Variants in MIDEAS observed in about 807,000 individuals in gnomAD.
MIDEAS encodes mitotic deacetylase-associated SANT domain protein.
In MIDEAS, 26 loss-of-function variants were observed where a neutral mutation model predicts 102.7. The ratio of observed to expected loss-of-function variants is 0.25; its 90% CI spans 0.19 to 0.35. MIDEAS has a LOEUF of 0.35. Ranked by LOEUF, MIDEAS falls within the 10% of genes least tolerant of loss-of-function variation. The pLI is 1.00. For missense variants in MIDEAS, 1,231 were observed against 1,435.6 expected (o/e 0.86, Z 2.30); for synonymous variants, 585 against 591.0 (o/e 0.99, Z 0.15).
At chr14:73,762,367 G>C (rs978339842), upstream of MIDEAS, among the ~76,000 whole-genome samples, 1 of 152,232 alleles carries the variant, frequency 6.6e-6, no homozygotes, top group Non-Finnish European at 1.5e-5. Context: ...CAGGTGGCAG[G>C]GGAAACAGAG....
intron 1 of MIDEAS, among the ~76,000 whole-genome samples, chr14:73,786,569 T>C (rs1660840967): frequency 6.6e-6 from 1 of 152,204 alleles, no homozygotes; most frequent in South Asian, 2.1e-4. Context: ...AATTCCGGTT[T>C]GGTTTTCTGA....
chr14:73,726,512 G>C, intron 7 of MIDEAS, 92 bp downstream of exon 7: 1 of 1,235,592 alleles, frequency 8.1e-7, no homozygotes, highest in Non-Finnish European at 1.2e-6. Context: ...CCTCAAATGT[G>C]CATGCCAGCA....
chr14:73,742,555 G>A lies in MIDEAS; in HGVS notation c.-247-2300C>T, dbSNP rs1340134860. On this transcript the variant is annotated intron_variant, in intron 1 of 12. Coordinates refer to ENST00000423556, the MANE Select transcript of MIDEAS (RefSeq NM_001367710.1). The surrounding 1 kb of genome is among the most constrained non-coding windows in gnomAD (Gnocchi z 4.4). Reference sequence around the variant, plus strand: ...CCCTGGAGGAGCTGAGCTCAGCTGGGAAGCCTCCCACTCCCACCCTGCACA... The same window carrying A: ...CCCTGGAGGAGCTGAGCTCAGCTGGAAAGCCTCCCACTCCCACCCTGCACA... Among the ~76,000 whole-genome samples the A allele has an allele frequency of 6.6e-6, 1 of 152,216 alleles. No homozygotes were observed. Among genetic ancestry groups the A allele is most frequent in the Admixed American group, 6.5e-5 (1 of 15,284 alleles).
intron 1 of MIDEAS, among the ~76,000 whole-genome samples, chr14:73,756,297 C>CGCGT (rs1875689395): frequency 3.7e-5 from 2 of 53,888 alleles, no homozygotes; most frequent in African/African-American, 8.5e-5. Context: ...TGTGTGTGTG[C>CGCGT]GCGCGCGCGT....
chr14:73,787,284 CT>C (rs2053824411), upstream of MIDEAS: 1 of 148,902 alleles, frequency 6.7e-6, no homozygotes, highest in Non-Finnish European at 1.5e-5. Context: ...GCGCAGGGCC[CT>C]GCAGCCAGCC....
At chr14:73,749,695 C>T (rs2053398430) in intron 1 of MIDEAS, among the ~76,000 whole-genome samples, 1 of 151,872 alleles carries the variant, frequency 6.6e-6, no homozygotes, top group South Asian at 2.1e-4. Context: ...TGAAATCACT[C>T]AAAGTATGTT....
At chr14:73,789,008 GC>G (rs2053843941), upstream of MIDEAS, 1 of 152,168 alleles carries the variant, frequency 6.6e-6, no homozygotes, top group Non-Finnish European at 1.5e-5. Context: ...CACATACATT[GC>G]TTTTTTCTCT....
In MIDEAS at chr14:73,780,126, G is replaced by T. The variant is rs186116409; in HGVS notation, c.-248+6976C>A. ...CCCGACCTCATGATCCACCAGCCTC[G>T]GCCTCCCAAAGTGCTGCGATTACAG... is the stretch of plus-strand genomic sequence containing the variant. On this transcript the variant is annotated intron_variant, in intron 1 of 11. Coordinates refer to the MIDEAS transcript ENST00000394071. Among the ~76,000 whole-genome samples, 6 of 150,910 alleles carry T rather than the reference G, an allele frequency of 4.0e-5. No homozygotes were observed. The East Asian group carries it at 5.9e-4, about 15-fold the overall frequency.
intron 1 of MIDEAS, among the ~76,000 whole-genome samples, chr14:73,755,381 C>T (rs1253314670): frequency 6.6e-6 from 1 of 152,218 alleles, no homozygotes; most frequent in Non-Finnish European, 1.5e-5. Flanking sequence ...TTATATAATT[C>T]TTGGTGTTTC....
intron 1 of MIDEAS, among the ~76,000 whole-genome samples, chr14:73,777,781 A>AAC (rs1456821939): frequency 6.6e-6 from 1 of 151,930 alleles, no homozygotes; most frequent in East Asian, 1.9e-4. Flanking sequence ...ACCTTTCCTG[A>AAC]CATGCCTCTC....
chr14:73,728,923 C>T (rs964402068), intron 4 of MIDEAS: 2 of 147,794 alleles, frequency 1.4e-5, no homozygotes, highest in Admixed American at 6.7e-5. Flanking sequence ...CCAGGGGGCA[C>T]CAGAGAGCTA....
At chr14:73,784,303 G>A (rs1288054553) in intron 1 of MIDEAS, among the ~76,000 whole-genome samples, 1 of 152,238 alleles carries the variant, frequency 6.6e-6, no homozygotes, top group Admixed American at 6.5e-5. Flanking sequence ...TTCTGTCTCT[G>A]TGTAACAACT....
At chr14:73,734,466 G>C (rs556618398) in intron 3 of MIDEAS, among the ~76,000 whole-genome samples, 1 of 152,230 alleles carries the variant, frequency 6.6e-6, no homozygotes, top group Admixed American at 6.5e-5. Context: ...GGAGTGCAGT[G>C]GCACAATCAC....
Position 73,729,976 on chromosome 14 carries a change from T to C in MIDEAS, c.1759A>G (p.Met587Val). 1 of 1,602,262 alleles carries C rather than the reference T, an allele frequency of 6.2e-7. No individual in the cohort carries two copies. The highest frequency in any genetic ancestry group is 8.5e-7 in the Non-Finnish European group (1 of 1,171,936). Residue 587 changes from methionine to valine, a missense_variant, in exon 4 of 13, where the codon ATG becomes GTG. Coordinates refer to ENST00000423556, the MANE Select transcript of MIDEAS (RefSeq NM_001367710.1). ...GGCTCCCCCTCCAACTTGACATTCA[T>C]GTCCTCTGCCTGGAGAAGGAAAGAA... ...GTDAQAQAED[M>V]NVKLEGEPSV...
chr14:73,738,925 C>A lies in MIDEAS; in HGVS notation c.1084G>T (p.Gly362Trp), dbSNP rs889534639. The change falls in exon 2 of 13, where the codon GGG (glycine) becomes TGG (tryptophan). Residue 362 changes from glycine (G) to tryptophan (W), a missense_variant. Physicochemically the swap from Gly to Trp is radical, Grantham distance 184. This residue lies in a region of MIDEAS where 758 missense variants were observed against 856.0 expected (regional missense o/e 0.89). Coordinates refer to ENST00000423556, the MANE Select transcript of MIDEAS (RefSeq NM_001367710.1). Reference sequence around the variant, plus strand: ...TCCTGCCCAGGCTGGGTGCCAGCCCCATCCAGGGCGCTGGGAGGCAGGATA... The same window carrying A: ...TCCTGCCCAGGCTGGGTGCCAGCCCAATCCAGGGCGCTGGGAGGCAGGATA... ...EGILPPSALD[G>W]AGTQPGQEAT... 5 of 1,528,198 alleles carry A rather than the reference C, an allele frequency of 3.3e-6. No individual in the cohort carries two copies. The South Asian group carries it at 3.9e-5, about 12-fold the overall frequency. 94.7% of individuals were successfully genotyped at this position (1,528,198 alleles called of 1,614,324 possible). A position where few individuals can be genotyped will look rare whatever the true frequency, so the allele number is the denominator to read the frequency against.
intron 1 of MIDEAS, among the ~76,000 whole-genome samples, chr14:73,781,863 C>G (rs2053761053): frequency 6.6e-6 from 1 of 152,014 alleles, no homozygotes; most frequent in African/African-American, 2.4e-5. Flanking sequence ...TCAAGACCAG[C>G]CTGGCCAACA....
At chr14:73,767,019 T>C (rs1448868771) in intron 1 of MIDEAS, among the ~76,000 whole-genome samples, 2 of 151,836 alleles carry the variant, frequency 1.3e-5, no homozygotes, top group Admixed American at 6.6e-5. Flanking sequence ...CACACCCAGC[T>C]AATTTTTGTA....
chr14:73,727,325 C>G, intron 5 of MIDEAS, 133 bp downstream of exon 5: 22 of 935,888 alleles, frequency 2.4e-5, no homozygotes, highest in Non-Finnish European at 3.6e-5. Flanking sequence ...GGGCCACATA[C>G]AGAAGCTCAA....
At chr14:73,749,266 G>C (rs2053391884) in intron 1 of MIDEAS, among the ~76,000 whole-genome samples, 1 of 140,386 alleles carries the variant, frequency 7.1e-6, no homozygotes, top group Admixed American at 7.2e-5. Flanking sequence ...GCCCGGCACA[G>C]TGGTGCCTGT....
Sources: gnomAD v4.1 joint callset for allele counts (sites outside exome capture counted in the v4.1 genomes callset) on GRCh38, gnomAD v4.1.1 for gene constraint, gnomAD v4.1.1 regional missense constraint, Gnocchi (gnomAD v3.1) non-coding constraint, MANE v1.5 for transcripts, NCBI Gene and HGNC (gene_info 2026-07-23, HGNC 2026-07-21) for gene names.